The following KCNQ1 variants were observed in gnomAD, a reference collection of about 807,000 sequenced individuals.
The protein encoded by KCNQ1 is potassium voltage-gated channel subfamily Q member 1.
In KCNQ1, 49 loss-of-function variants were observed where a neutral mutation model predicts 72.4. The ratio of observed to expected loss-of-function variants is 0.68; its 90% CI spans 0.54 to 0.86. The LOEUF is 0.86. Among genes scored for constraint, KCNQ1 ranks in the 40% least tolerant of loss-of-function variants. KCNQ1 has a pLI of 0.00. For synonymous variants in KCNQ1, 450 were observed against 412.6 expected (o/e 1.09, Z -1.10); for missense variants, 790 against 945.1 (o/e 0.84, Z 2.15).
At chr11:2,640,487 T>C (rs1474473523) in intron 10 of KCNQ1, 1 of 398,238 alleles carries the variant, frequency 2.5e-6, no homozygotes, top group Non-Finnish European at 4.4e-6. Context: ...GGTCGTGCAT[T>C]GTTGCCCAGG....
rs1849775292 is a variant in KCNQ1 at position 2,652,691 on chromosome 11, G to A, written c.1394-9270G>A. The A allele has an allele frequency of 1.0e-5, 4 of 398,846 alleles. No homozygotes were observed. In the East Asian group the frequency reaches 1.1e-4, roughly 11 times the overall value. The allele number at this position is 398,846 out of a possible 1,614,324, so 24.7% of individuals were successfully genotyped here. ...GTCGATTTTAGTTGTGTGGGTGGCT[G>A]TGTTGCTCTCTTTCCGTTTCCTGGG... is the stretch of plus-strand genomic sequence containing the variant. On this transcript the variant is annotated intron_variant, in intron 10 of 15. Coordinates refer to ENST00000155840, the MANE Select transcript of KCNQ1 (RefSeq NM_000218.3). The surrounding 1 kb of genome is among the most constrained non-coding windows in gnomAD (Gnocchi z 5.9).
At chr11:2,584,472 T>C (rs1202728442) in intron 7 of KCNQ1, among the ~76,000 whole-genome samples, 1 of 151,648 alleles carries the variant, frequency 6.6e-6, no homozygotes, top group Non-Finnish European at 1.5e-5. Flanking sequence ...TGTTAGTGTA[T>C]GTTAGTGTTA....
rs1847278902 is a variant in KCNQ1, at chr11:2,515,809, G to A, written c.387-12119G>A. Among the ~76,000 whole-genome samples the A allele has an allele frequency of 6.6e-6, 1 of 152,098 alleles. No individual in the cohort carries two copies. The highest frequency in any genetic ancestry group is 1.5e-5 in the Non-Finnish European group (1 of 68,008). ...CTGGGAGCACAGAGCCCCGTTCCCA[G>A]CAGCCCTCGGCCCTGGGGGGCTTGT... On this transcript the variant is annotated intron_variant, in intron 1 of 15. Coordinates refer to ENST00000155840, the MANE Select transcript of KCNQ1 (RefSeq NM_000218.3). The surrounding 1 kb of genome is among the most constrained non-coding windows in gnomAD (Gnocchi z 4.7).
intron 15 of KCNQ1, among the ~76,000 whole-genome samples, chr11:2,836,926 A>G (rs1449451086): frequency 6.6e-6 from 1 of 152,208 alleles, no homozygotes; most frequent in Non-Finnish European, 1.5e-5. Flanking sequence ...ACGTCTTCAT[A>G]GGGTACTTAT....
At chr11:2,606,562 C>A (rs1276643512) in intron 10 of KCNQ1, among the ~76,000 whole-genome samples, 1 of 152,200 alleles carries the variant, frequency 6.6e-6, no homozygotes, top group Non-Finnish European at 1.5e-5. Flanking sequence ...TGATTGTAAG[C>A]TTCTTGAGGC....
chr11:2,676,148 A>G lies in KCNQ1; in HGVS notation c.1514+14067A>G, dbSNP rs1850290241. On this transcript the variant is annotated intron_variant, in intron 11 of 15. Coordinates refer to ENST00000155840, the MANE Select transcript of KCNQ1 (RefSeq NM_000218.3). The surrounding 1 kb of genome is among the most constrained non-coding windows in gnomAD (Gnocchi z 4.2). ...TTTTATACAAATGGTAGCATACTGT[A>G]TGTATTTTTCTACACTTTGCCTTTG... The G allele has an allele frequency of 2.5e-6, 1 of 398,516 alleles. No individual in the cohort carries two copies. The highest frequency in any genetic ancestry group is 4.4e-6 in the Non-Finnish European group (1 of 226,072). 24.7% of individuals were successfully genotyped at this position (398,516 alleles called of 1,614,324 possible).
chr11:2,751,270 G>A (rs1190913111), intron 11 of KCNQ1, among the ~76,000 whole-genome samples: 1 of 152,166 alleles, frequency 6.6e-6, no homozygotes, highest in African/African-American at 2.4e-5. Flanking sequence ...AATCAGTTTA[G>A]GGTCCTCCCA....
In KCNQ1 at chr11:2,462,112, G is replaced by A. The variant is rs1450061431; in HGVS notation, c.386+16628G>A. 3.5e-5 allele frequency: 10 copies of A among 287,022 alleles called. No homozygotes were observed. The Middle Eastern group carries it at 5.8e-3, about 167-fold the overall frequency. The allele number at this position is 287,022 out of a possible 1,614,324, so 17.8% of individuals were successfully genotyped here. ...CTGGGATTCACAAGAATCCTTCCCT[G>A]GGCTGAGGGGGCGTTGCTGTGGGTG... On this transcript the variant is annotated intron_variant, in intron 1 of 15. Transcript: ENST00000155840. The surrounding 1 kb of genome is among the most constrained non-coding windows in gnomAD (Gnocchi z 8.2).
chr11:2,837,086 TG>T (rs1284445710), intron 15 of KCNQ1, among the ~76,000 whole-genome samples: 2 of 151,928 alleles, frequency 1.3e-5, no homozygotes, highest in East Asian at 3.9e-4. Flanking sequence ...ATGGGCAGGA[TG>T]GGGCACGTAG....
At chr11:2,819,955 G>C (rs1157708484) in intron 15 of KCNQ1, among the ~76,000 whole-genome samples, 1 of 152,214 alleles carries the variant, frequency 6.6e-6, no homozygotes, top group East Asian at 1.9e-4. Flanking sequence ...GGTAGCAGTA[G>C]TATTCATTCC....
rs1372530742 is a variant in KCNQ1, at chr11:2,559,836, G to A, written c.478-10792G>A. 6.6e-6 allele frequency among the ~76,000 whole-genome samples: 1 copy of A among 152,000 alleles called. No homozygotes were observed. Among genetic ancestry groups the A allele is most frequent in the African/African-American group, 2.4e-5 (1 of 41,378 alleles). On this transcript the variant is annotated intron_variant, in intron 2 of 15. Coordinates refer to ENST00000155840, the MANE Select transcript of KCNQ1 (RefSeq NM_000218.3). The surrounding 1 kb of genome is among the most constrained non-coding windows in gnomAD (Gnocchi z 4.9). ...GGCTCTGCTGCCTGCTTCCTGGGCA[G>A]GGGCTCCTTCCTCCCTCTCTGTCTC...
chr11:2,724,055 C>T lies in KCNQ1; in HGVS notation c.1515-44789C>T, dbSNP rs769870031. On this transcript the variant is annotated intron_variant, in intron 11 of 15. Transcript: ENST00000155840. The surrounding 1 kb of genome is among the most constrained non-coding windows in gnomAD (Gnocchi z 6.8). Reference sequence around the variant, plus strand: ...TCCATCTATGCAGCCCCCACCACCTCTGCACACAGCCCCTCCGGTGGTGCC... The same window carrying T: ...TCCATCTATGCAGCCCCCACCACCTTTGCACACAGCCCCTCCGGTGGTGCC... Among the ~76,000 whole-genome samples the T allele has an allele frequency of 1.6e-4, 24 of 152,184 alleles. No individual in the cohort carries two copies. The highest frequency in any genetic ancestry group is 3.4e-4 in the Non-Finnish European group (23 of 68,028).
Position 2,547,250 on chromosome 11 carries a change from G to T in KCNQ1, c.477+19232G>T, listed in dbSNP as rs529088053. Reference sequence around the variant, plus strand: ...GTATTATTTATTTATTTATTTTTGCGAAACAGTTTCCCTCTGTTGCCCAGG... The same window carrying T: ...GTATTATTTATTTATTTATTTTTGCTAAACAGTTTCCCTCTGTTGCCCAGG... On this transcript the variant is annotated intron_variant, in intron 2 of 15. Coordinates refer to ENST00000155840, the MANE Select transcript of KCNQ1 (RefSeq NM_000218.3). The surrounding 1 kb of genome is among the most constrained non-coding windows in gnomAD (Gnocchi z 4.2). Among the ~76,000 whole-genome samples the T allele has an allele frequency of 5.3e-5, 8 of 151,920 alleles. No individual in the cohort carries two copies. Among genetic ancestry groups the T allele is most frequent in the Non-Finnish European group, 8.8e-5 (6 of 68,002 alleles).
Position 2,593,830 on chromosome 11 carries a change from T to A in KCNQ1, c.1393+4976T>A, listed in dbSNP as rs1222037449. ...ATGCACTCCTCCATTCAAAGCCGTGTGTTCTGATTGTGCACTTTTGGTGGC... is the reference window on the plus strand; with the variant it reads ...ATGCACTCCTCCATTCAAAGCCGTGAGTTCTGATTGTGCACTTTTGGTGGC... On this transcript the variant is annotated intron_variant, in intron 10 of 15. Coordinates refer to ENST00000155840, the MANE Select transcript of KCNQ1 (RefSeq NM_000218.3). The surrounding 1 kb of genome is among the most constrained non-coding windows in gnomAD (Gnocchi z 6.9). 6.6e-6 allele frequency among the ~76,000 whole-genome samples: 1 copy of A among 152,182 alleles called. No individual in the cohort carries two copies. Among genetic ancestry groups the A allele is most frequent in the Non-Finnish European group, 1.5e-5 (1 of 68,038 alleles).
intron 11 of KCNQ1, chr11:2,675,408 G>A: frequency 2.5e-6 from 1 of 398,476 alleles, no homozygotes; most frequent in Non-Finnish European, 4.4e-6. Flanking sequence ...CAAATTAATT[G>A]AAAAATATAT....
At position 2,486,113 on chromosome 11, in the gene KCNQ1, C is replaced by G. The variant is rs1183685627; in HGVS notation, c.386+40629C>G. Among the ~76,000 whole-genome samples the G allele has an allele frequency of 2.6e-5, 4 of 152,152 alleles. No individual in the cohort carries two copies. Among genetic ancestry groups the G allele is most frequent in the African/African-American group, 9.7e-5 (4 of 41,420 alleles). ...TTATAGTTTTAATTTCTTGAGGAAC[C>G]ACTATGCCGTTTTCCACAGTAGCTA... On this transcript the variant is annotated intron_variant, in intron 1 of 15. Coordinates refer to ENST00000155840, the MANE Select transcript of KCNQ1 (RefSeq NM_000218.3). The surrounding 1 kb of genome is among the most constrained non-coding windows in gnomAD (Gnocchi z 5.0).
At chr11:2,721,112 G>A (rs1228065853) in intron 11 of KCNQ1, among the ~76,000 whole-genome samples, 1 of 152,118 alleles carries the variant, frequency 6.6e-6, no homozygotes, top group African/African-American at 2.4e-5. Context: ...ATTGGTGGGG[G>A]CCTGTCTCAT....
chr11:2,622,224 G>A (rs1252762901), intron 10 of KCNQ1: 1 of 398,268 alleles, frequency 2.5e-6, no homozygotes, highest in African/African-American at 2.1e-5. Flanking sequence ...CTTATATTCT[G>A]GGGCTCTATA....
rs1400576412 is a variant in KCNQ1 at position 2,734,515 on chromosome 11, G to T, written c.1515-34329G>T. Reference sequence around the variant, plus strand: ...GAATGTGGGGAGCAGGGTAGGACGGGCCCCTTGGCTGAGAGCCAGATGTGG... The same window carrying T: ...GAATGTGGGGAGCAGGGTAGGACGGTCCCCTTGGCTGAGAGCCAGATGTGG... On this transcript the variant is annotated intron_variant, in intron 11 of 15. Transcript: ENST00000155840. The surrounding 1 kb of genome is among the most constrained non-coding windows in gnomAD (Gnocchi z 7.0). Among the ~76,000 whole-genome samples the T allele has an allele frequency of 1.3e-5, 2 of 152,194 alleles. No homozygotes were observed. The highest frequency in any genetic ancestry group is 4.8e-5 in the African/African-American group (2 of 41,458).
Sources: gnomAD v4.1 joint callset for allele counts (sites outside exome capture counted in the v4.1 genomes callset) on GRCh38, gnomAD v4.1.1 for gene constraint, Gnocchi (gnomAD v3.1) non-coding constraint, MANE v1.5 for transcripts, NCBI Gene and HGNC (gene_info 2026-07-23, HGNC 2026-07-21) for gene names.